Variants in XKR4 observed in about 807,000 individuals in gnomAD.
The protein encoded by XKR4 is XK-related protein 4.
Under a neutral mutation model 53.9 loss-of-function variants are expected in XKR4, and 12 were observed. The observed-to-expected ratio is 0.22, with a 90% CI of 0.14 to 0.36. The LOEUF is 0.36. Ranked by LOEUF, XKR4 falls within the 10% of genes least tolerant of loss-of-function variation. The pLI is 1.00. For missense variants in XKR4, 799 were observed against 859.5 expected, an observed-to-expected ratio of 0.93 and a Z score of 0.88; for synonymous variants, 354 against 362.4, an observed-to-expected ratio of 0.98 and a Z score of 0.26.
intron 2 of XKR4, among the ~76,000 whole-genome samples, chr8:55,458,410 A>G (rs2135543): frequency 0.42 from 63,536 of 151,558 alleles, 13,716 homozygotes; most frequent in East Asian, 0.53. Context: ...TCTAGGAGTT[A>G]CCCATGACCC....
At chr8:55,282,618 C>G (rs1339705428) in intron 1 of XKR4, among the ~76,000 whole-genome samples, 1 of 152,116 alleles carries the variant, frequency 6.6e-6, no homozygotes, top group Non-Finnish European at 1.5e-5. Flanking sequence ...GAGGATGGCA[C>G]CAAGCCATTC....
Position 55,524,355 on chromosome 8 carries a change from T to C in XKR4, c.*128T>C. ...GTTCCTAGTGGGACCGTCATCACCA[T>C]TATCATTTGATCCTGTCGGCTGGGG... On this transcript the variant is annotated 3_prime_UTR_variant, in exon 3 of 3. Coordinates refer to ENST00000327381, the MANE Select transcript of XKR4 (RefSeq NM_052898.2). 1.1e-6 allele frequency: 1 copy of C among 929,182 alleles called. No individual in the cohort carries two copies. Among genetic ancestry groups the C allele is most frequent in the Non-Finnish European group, 1.6e-6 (1 of 631,648 alleles). 57.6% of individuals were successfully genotyped at this position (929,182 alleles called of 1,614,324 possible). A position where few individuals can be genotyped will look rare whatever the true frequency, so the allele number is the denominator to read the frequency against.
rs7822948 is a variant in XKR4 at position 55,522,885 on chromosome 8, T to C, written c.1007-396T>C. On this transcript the variant is annotated intron_variant, in intron 2 of 2. Transcript: ENST00000327381. Reference sequence around the variant, plus strand: ...CTATTAGCTTCATGACTTCTCCATATGGGTGAGCCTTAGAGAAGACAGATA... The same window carrying C: ...CTATTAGCTTCATGACTTCTCCATACGGGTGAGCCTTAGAGAAGACAGATA... 9.7e-3 allele frequency among the ~76,000 whole-genome samples: 1,480 copies of C among 152,302 alleles called. 22 individuals carry two copies. Among genetic ancestry groups the C allele is most frequent in the African/African-American group, 0.033 (1,389 of 41,566 alleles).
chr8:55,142,251 C>T, intron 1 of XKR4: 1 of 451,762 alleles, frequency 2.2e-6, no homozygotes, highest in East Asian at 7.0e-5. Flanking sequence ...TTAGACCTCT[C>T]CTCGTAGGAG....
intron 2 of XKR4, among the ~76,000 whole-genome samples, chr8:55,441,149 AG>A (rs1273012536): frequency 1.2e-4 from 19 of 152,108 alleles, no homozygotes; most frequent in African/African-American, 4.6e-4. Flanking sequence ...CTGAGGTGGG[AG>A]GATCACTTAA....
intron 1 of XKR4, among the ~76,000 whole-genome samples, chr8:55,182,088 C>A (rs904053983): frequency 6.6e-6 from 1 of 151,964 alleles, no homozygotes; most frequent in African/African-American, 2.4e-5. Flanking sequence ...CTTTTGCTAT[C>A]TTTTATCAAA....
intron 2 of XKR4, among the ~76,000 whole-genome samples, chr8:55,411,511 C>T (rs537727997): frequency 2.0e-5 from 3 of 152,310 alleles, no homozygotes; most frequent in African/African-American, 2.4e-5. Flanking sequence ...TCGAGTCACA[C>T]GCAGAGAATC....
chr8:55,493,271 A>G (rs1249604496), intron 2 of XKR4, among the ~76,000 whole-genome samples: 1 of 152,218 alleles, frequency 6.6e-6, no homozygotes, highest in African/African-American at 2.4e-5. Context: ...AGTAATGCCC[A>G]TCTAATTCCT....
chr8:55,224,563 C>A (rs1467714473), intron 1 of XKR4, among the ~76,000 whole-genome samples: 4 of 152,086 alleles, frequency 2.6e-5, no homozygotes, highest in African/African-American at 9.7e-5. Context: ...AATAGAACTT[C>A]CAAAAGTGTG....
chr8:55,230,525 G>A (rs1028654673), intron 1 of XKR4, among the ~76,000 whole-genome samples: 1 of 151,986 alleles, frequency 6.6e-6, no homozygotes, highest in Admixed American at 6.5e-5. Context: ...GTGCCACCAT[G>A]CCTGGCTAAT....
At chr8:55,159,721 T>G (rs1294080212) in intron 1 of XKR4, among the ~76,000 whole-genome samples, 1 of 152,214 alleles carries the variant, frequency 6.6e-6, no homozygotes, top group Non-Finnish European at 1.5e-5. Flanking sequence ...TCCATTTGTC[T>G]GTTGGTTTAA....
intron 1 of XKR4, among the ~76,000 whole-genome samples, chr8:55,170,515 T>G (rs1366363311): frequency 6.6e-6 from 1 of 152,184 alleles, no homozygotes; most frequent in Non-Finnish European, 1.5e-5. Flanking sequence ...ATAGACCCGC[T>G]GCTTGATTTT....
chr8:55,460,171 G>A lies in XKR4; in HGVS notation c.1007-63110G>A, dbSNP rs140972643. On this transcript the variant is annotated intron_variant, in intron 2 of 2. Transcript: ENST00000327381. ...ATCTGGCAAATAAAGGAAACCGTAC[G>A]CAAAGACTACCTATTGTATTATTCC... Among the ~76,000 whole-genome samples, 922 of 152,214 alleles carry A rather than the reference G, an allele frequency of 6.1e-3. 9 individuals carry two copies. Among genetic ancestry groups the A allele is most frequent in the African/African-American group, 0.02 (839 of 41,532 alleles).
chr8:55,463,832 A>G (rs1805705875), intron 2 of XKR4, among the ~76,000 whole-genome samples: 3 of 152,184 alleles, frequency 2.0e-5, no homozygotes, highest in Non-Finnish European at 4.4e-5. Context: ...CTACCATCAG[A>G]GAATACTATA....
chr8:55,259,697 T>C (rs1023781757), intron 1 of XKR4, among the ~76,000 whole-genome samples: 2 of 152,202 alleles, frequency 1.3e-5, no homozygotes, highest in African/African-American at 4.8e-5. Context: ...TTAGCCCTAT[T>C]GATCTACCTA....
At chr8:55,177,386 T>C (rs2129359277) in intron 1 of XKR4, among the ~76,000 whole-genome samples, 1 of 152,264 alleles carries the variant, frequency 6.6e-6, no homozygotes, top group Non-Finnish European at 1.5e-5. Context: ...AATAACACAG[T>C]TAAGTACTGG....
chr8:55,419,190 G>T (rs1804891560), intron 2 of XKR4, among the ~76,000 whole-genome samples: 1 of 152,060 alleles, frequency 6.6e-6, no homozygotes, highest in East Asian at 1.9e-4. Context: ...TTCAAGACCA[G>T]CCTGGCCAAC....
intron 1 of XKR4, among the ~76,000 whole-genome samples, chr8:55,288,924 G>T (rs1305282748): frequency 6.6e-6 from 1 of 152,094 alleles, no homozygotes; most frequent in Admixed American, 6.5e-5. Context: ...TTTTGGAATT[G>T]GCTGTTTTTA....
chr8:55,468,155 C>T (rs972470607), intron 2 of XKR4, among the ~76,000 whole-genome samples: 3 of 152,056 alleles, frequency 2.0e-5, no homozygotes, highest in African/African-American at 7.3e-5. Context: ...TAATGCATTG[C>T]CCATCCATCT....
Sources: allele counts gnomAD v4.1 joint callset (sites outside exome capture counted in the v4.1 genomes callset), GRCh38; gene constraint gnomAD v4.1.1; transcripts MANE v1.5; gene names NCBI Gene and HGNC (gene_info 2026-07-23, HGNC 2026-07-21).